Variants in NMUR2 observed in about 807,000 individuals in gnomAD.
NMUR2 encodes neuromedin-U receptor 2.
Under a neutral mutation model 25.1 loss-of-function variants are expected in NMUR2, and 24 were observed. That is an observed-to-expected ratio of 0.96 (90% CI 0.69 to 1.34). The LOEUF (loss-of-function observed/expected upper bound fraction) is 1.34, where lower values mean the gene tolerates loss of function less well. Among genes scored for constraint, NMUR2 ranks in the 40% most tolerant of loss-of-function variants. The pLI, the probability that NMUR2 is intolerant of heterozygous loss-of-function variation, is 0.00. For missense variants in NMUR2, 533 were observed against 512.8 expected, an observed-to-expected ratio of 1.04 and a Z score of -0.38; for synonymous variants, 218 against 208.1, an observed-to-expected ratio of 1.05 and a Z score of -0.41.
At chr5:152,400,988 A>T (rs1753241431) in intron 1 of NMUR2, among the ~76,000 whole-genome samples, 1 of 152,194 alleles carries the variant, frequency 6.6e-6, no homozygotes, top group Admixed American at 6.5e-5. Flanking sequence ...GTTTATAATG[A>T]CCTAACTAGC....
Position 152,392,013 on chromosome 5 carries a change from G to A in NMUR2, c.*178C>T, listed in dbSNP as rs1370101617. ...ATAACTAAAAATCAGGCAGTCTTGG[G>A]TTTTGAAACCAGATCTAACTCTCAG... On this transcript the variant is annotated 3_prime_UTR_variant, in exon 4 of 4. Coordinates refer to ENST00000255262, the MANE Select transcript of NMUR2 (RefSeq NM_020167.5). 6.9e-6 allele frequency: 4 copies of A among 579,916 alleles called. No homozygotes were observed. Among genetic ancestry groups the A allele is most frequent in the Non-Finnish European group, 1.2e-5 (4 of 333,380 alleles). The allele number at this position is 579,916 out of a possible 1,614,324, so 35.9% of individuals were successfully genotyped here. A position where few individuals can be genotyped will look rare whatever the true frequency, so the allele number is the denominator to read the frequency against.
rs555101725 is a variant in NMUR2 at position 152,405,229 on chromosome 5, C to G, written c.-116G>C. On this transcript the variant is annotated 5_prime_UTR_variant, in exon 1 of 4. Coordinates refer to ENST00000255262, the MANE Select transcript of NMUR2 (RefSeq NM_020167.5). ...AAAGAGAAAGCAGTCACGAAAGTCA[C>G]AGGCTTCGTAAGGAAGGCTGGGAGA... is the stretch of plus-strand genomic sequence containing the variant. 25 of 1,264,840 alleles carry G rather than the reference C, an allele frequency of 2.0e-5. No individual in the cohort carries two copies. In the East Asian group the frequency reaches 5.9e-4, roughly 30 times the overall value. 78.4% of individuals were successfully genotyped at this position (1,264,840 alleles called of 1,614,324 possible).
At chr5:152,394,703 A>C (rs1445834982) in intron 3 of NMUR2, among the ~76,000 whole-genome samples, 11 of 152,222 alleles carry the variant, frequency 7.2e-5, no homozygotes, top group Non-Finnish European at 1.3e-4. Context: ...ATTTTTGACT[A>C]TACAATGTTA....
chr5:152,402,761 T>C (rs983932786), intron 1 of NMUR2, among the ~76,000 whole-genome samples: 3 of 152,216 alleles, frequency 2.0e-5, no homozygotes, highest in Non-Finnish European at 4.4e-5. Context: ...CAGTGAGATG[T>C]GCAGGACGTT....
chr5:152,404,597 A>C lies in NMUR2; in HGVS notation c.517T>G (p.Phe173Val). 1 of 1,614,146 alleles carries C rather than the reference A, an allele frequency of 6.2e-7. No homozygotes were observed. The highest frequency in any genetic ancestry group is 8.5e-7 in the Non-Finnish European group (1 of 1,180,038). Residue 173 changes from phenylalanine (F) to valine (V), a missense_variant, in exon 1 of 4, where the codon TTC (phenylalanine) becomes GTC (valine). Phe to Val is a conservative substitution (Grantham distance 50, BLOSUM62 -1). Coordinates refer to ENST00000255262, the MANE Select transcript of NMUR2 (RefSeq NM_020167.5). ...TTGGGCAGGGAGAAGAGCACGGAGA[A>C]GCCCCAGACGATGCCGAGGATCCTG... is the stretch of plus-strand genomic sequence containing the variant. ...ALRILGIVWGFSVLFSLPNTS... is the reference protein window; with the variant it reads ...ALRILGIVWGVSVLFSLPNTS...
intron 1 of NMUR2, among the ~76,000 whole-genome samples, chr5:152,400,905 C>T (rs528888400): frequency 6.6e-6 from 1 of 152,208 alleles, no homozygotes; most frequent in South Asian, 2.1e-4. Flanking sequence ...AACAGGCTTC[C>T]TGTAGCAGCA....
chr5:152,402,768 C>T (rs1215284015), intron 1 of NMUR2, among the ~76,000 whole-genome samples: 1 of 152,108 alleles, frequency 6.6e-6, no homozygotes, highest in East Asian at 1.9e-4. Context: ...ATGTGCAGGA[C>T]GTTCTTAAGA....
Position 152,404,496 on chromosome 5 carries a change from G to A in NMUR2, c.618C>T (p.Val206=), listed in dbSNP as rs143837854. 5,991 of 1,614,136 alleles carry A rather than the reference G, an allele frequency of 3.7e-3. 59 individuals carry two copies. The highest frequency in any genetic ancestry group is 2.6e-3 in the Non-Finnish European group (3,105 of 1,180,028). Residue 206 remains valine (V), a synonymous_variant, in exon 1 of 4, where the codon GTC becomes GTT. Transcript: ENST00000255262. ...AATTGTAGATCCACATGGGCTTGAT[G>A]ACCGTACAGGTGGCCGAACCTGGGA... ...SLVPGSATCT[V]IKPMWIYNFI...
chr5:152,396,197 AACACACAC>A (rs3042430), intron 2 of NMUR2, among the ~76,000 whole-genome samples: 1,568 of 143,480 alleles, frequency 0.011, 31 homozygotes, highest in African/African-American at 0.037. Flanking sequence ...CCACAAATTA[AACACACAC>A]ACACACACAC....
rs764595905 is a variant in NMUR2, at chr5:152,404,807, C to T, written c.307G>A (p.Val103Ile). The T allele has an allele frequency of 1.2e-5, 20 of 1,613,950 alleles. No individual in the cohort carries two copies. In the East Asian group the frequency reaches 4.2e-4, roughly 34 times the overall value. The change falls in exon 1 of 4, where the codon GTC becomes ATC. Residue 103 changes from valine (V) to isoleucine (I), a missense_variant. Val to Ile is a conservative substitution (Grantham distance 29). Coordinates refer to ENST00000255262, the MANE Select transcript of NMUR2 (RefSeq NM_020167.5). The stretch of plus-strand genomic sequence containing the variant: ...GGGTAGTTGCGCCACATCTCATAGA[C>T]CTCCAGGGGCATTCCAAGGAGCAGG... Reference protein sequence around the residue: ...LVLLLGMPLEVYEMWRNYPFL... With the variant: ...LVLLLGMPLEIYEMWRNYPFL...
intron 1 of NMUR2, among the ~76,000 whole-genome samples, chr5:152,398,649 G>C (rs1753203983): frequency 6.6e-6 from 1 of 151,974 alleles, no homozygotes; most frequent in Non-Finnish European, 1.5e-5. Context: ...ATTTTCAAGG[G>C]GGATAGTGTA....
In NMUR2 at chr5:152,392,260, G is replaced by A. The variant is rs1753072571; in HGVS notation, c.1179C>T (p.Leu393=). 1 of 1,613,788 alleles carries A rather than the reference G, an allele frequency of 6.2e-7. No homozygotes were observed. Among genetic ancestry groups the A allele is most frequent in the African/African-American group, 1.3e-5 (1 of 74,868 alleles). ...TCTGTTCACTAGAGAGGGCTGCTGG[G>A]AGGTGAGAGTTGTGCATGGATGACT... ...PCQSSMHNSH[L]PAALSSEQMS... The change falls in exon 4 of 4, where the codon CTC becomes CTT. Residue 393 remains leucine, a synonymous_variant. Coordinates refer to ENST00000255262, the MANE Select transcript of NMUR2 (RefSeq NM_020167.5).
Position 152,391,925 on chromosome 5 carries a change from T to C in NMUR2, c.*266A>G, listed in dbSNP as rs1394322492. 1.9e-5 allele frequency: 7 copies of C among 365,676 alleles called. No individual in the cohort carries two copies. The highest frequency in any genetic ancestry group is 1.3e-4 in the Admixed American group (3 of 22,650). The allele number at this position is 365,676 out of a possible 1,614,324, so 22.7% of individuals were successfully genotyped here. Reference sequence around the variant, plus strand: ...TTAATCAAGGTATAGGTGCCATGCCTTTCCAGTCACGTTCTTGGCATGAAC... The same window carrying C: ...TTAATCAAGGTATAGGTGCCATGCCCTTCCAGTCACGTTCTTGGCATGAAC... On this transcript the variant is annotated 3_prime_UTR_variant, in exon 4 of 4. Transcript: ENST00000255262.
Position 152,400,482 on chromosome 5 carries a change from T to C in NMUR2, c.727-2338A>G, listed in dbSNP as rs148125354. On this transcript the variant is annotated intron_variant, in intron 1 of 3. Coordinates refer to ENST00000255262, the MANE Select transcript of NMUR2 (RefSeq NM_020167.5). ...TAAAAACTAGAGTTGTTTGTTTATATATGTGAGGTTACTTTTGTGAAGTAC... is the reference window on the plus strand; with the variant it reads ...TAAAAACTAGAGTTGTTTGTTTATACATGTGAGGTTACTTTTGTGAAGTAC... 5.3e-5 allele frequency among the ~76,000 whole-genome samples: 8 copies of C among 152,306 alleles called. No homozygotes were observed. The East Asian group carries it at 1.5e-3, about 29-fold the overall frequency.
At chr5:152,395,949 G>A (rs557686088) in intron 2 of NMUR2, among the ~76,000 whole-genome samples, 2 of 152,014 alleles carry the variant, frequency 1.3e-5, no homozygotes, top group African/African-American at 4.8e-5. Flanking sequence ...GTTGTTATAG[G>A]AATAATTAGA....
At chr5:152,403,354 G>A (rs764123879) in intron 1 of NMUR2, among the ~76,000 whole-genome samples, 1 of 152,070 alleles carries the variant, frequency 6.6e-6, no homozygotes, top group Non-Finnish European at 1.5e-5. Context: ...TCCCTTAAGT[G>A]GGTGTAAAAT....
intron 2 of NMUR2, among the ~76,000 whole-genome samples, chr5:152,397,011 TG>T (rs1369786937): frequency 1.5e-5 from 2 of 134,474 alleles, no homozygotes; most frequent in African/African-American, 5.4e-5. Context: ...GTGAGCTTCA[TG>T]TTTTTTTTTT....
In NMUR2 at chr5:152,395,535, G is replaced by C; in HGVS notation, c.861C>G (p.Asp287Glu). Reference protein sequence around the residue: ...FAICWAPFHIDRLFFSFVEEW... With the variant: ...FAICWAPFHIERLFFSFVEEW... The stretch of plus-strand genomic sequence containing the variant: ...CCTCCACAAAGCTGAAGAAGAGTCG[G>C]TCAATGTGGAACGGGGCCCAACAGA... Residue 287 changes from aspartate to glutamate, a missense_variant, in exon 3 of 4, where the codon GAC (aspartate) becomes GAG (glutamate). Coordinates refer to ENST00000255262, the MANE Select transcript of NMUR2 (RefSeq NM_020167.5). 6.2e-7 allele frequency: 1 copy of C among 1,613,634 alleles called. No homozygotes were observed. Among genetic ancestry groups the C allele is most frequent in the South Asian group, 1.1e-5 (1 of 91,038 alleles).
intron 3 of NMUR2, 111 bp downstream of exon 3, chr5:152,395,348 G>T: frequency 8.1e-7 from 1 of 1,227,244 alleles, no homozygotes; most frequent in Non-Finnish European, 1.2e-6. Context: ...CTTCATTATA[G>T]CATGGCAGAT....
Sources: allele counts gnomAD v4.1 joint callset (sites outside exome capture counted in the v4.1 genomes callset), GRCh38; gene constraint gnomAD v4.1.1; transcripts MANE v1.5; gene names NCBI Gene and HGNC (gene_info 2026-07-23, HGNC 2026-07-21).